GSE1: variants seen among roughly 807,000 people sequenced by gnomAD.
The protein encoded by GSE1 is Gse1 coiled-coil protein, also known as genetic suppressor element 1.
Under a neutral mutation model 112.6 loss-of-function variants are expected in GSE1, and 32 were observed. The observed-to-expected ratio is 0.28, with a 90% CI of 0.21 to 0.38. GSE1 has a LOEUF of 0.38. Ranked by LOEUF, GSE1 falls within the 10% of genes least tolerant of loss-of-function variation. GSE1 has a pLI of 1.00. For missense variants in GSE1, 2,348 were observed against 1,699.2 expected (o/e 1.38, Z -6.71); for synonymous variants, 1,115 against 735.6 (o/e 1.52, Z -8.35).
chr16:85,508,267 C>A (rs1243669239), intron 2 of GSE1, among the ~76,000 whole-genome samples: 3 of 152,228 alleles, frequency 2.0e-5, no homozygotes, highest in Non-Finnish European at 4.4e-5. Context: ...CTCCTGACCT[C>A]AGGTGATCCA....
intron 1 of GSE1, among the ~76,000 whole-genome samples, chr16:85,626,909 G>A (rs1036127166): frequency 4.6e-5 from 7 of 151,996 alleles, no homozygotes; most frequent in Admixed American, 3.3e-4. Flanking sequence ...CTGTTGGAGC[G>A]TTTGGACAGC....
At chr16:85,342,591 G>C (rs915270800) in intron 1 of GSE1, among the ~76,000 whole-genome samples, 7 of 152,184 alleles carry the variant, frequency 4.6e-5, no homozygotes, top group Non-Finnish European at 1.0e-4. Flanking sequence ...CCTCCTCAGA[G>C]CGCATGTGTT....
intron 1 of GSE1, among the ~76,000 whole-genome samples, chr16:85,181,127 G>C (rs559037232): frequency 2.0e-5 from 3 of 152,208 alleles, no homozygotes; most frequent in African/African-American, 7.2e-5. Flanking sequence ...CTGCCCACAG[G>C]GTCCGCTGGC....
chr16:85,556,762 C>G (rs1293034369), intron 1 of GSE1, among the ~76,000 whole-genome samples: 10 of 143,168 alleles, frequency 7.0e-5, no homozygotes, highest in African/African-American at 2.3e-4. Context: ...CCCCCCCCCC[C>G]CAGTCCTGGG....
At chr16:85,415,309 C>G (rs1380195025) in intron 2 of GSE1, among the ~76,000 whole-genome samples, 2 of 152,202 alleles carry the variant, frequency 1.3e-5, no homozygotes, top group Non-Finnish European at 2.9e-5. Flanking sequence ...GGAGTGTGTC[C>G]TCTTCATGTC....
At chr16:85,195,284 A>G (rs917774344) in intron 1 of GSE1, among the ~76,000 whole-genome samples, 3 of 152,222 alleles carry the variant, frequency 2.0e-5, no homozygotes, top group Non-Finnish European at 4.4e-5. Flanking sequence ...GTAACAAAAC[A>G]TCTTACAAGA....
chr16:85,533,681 T>A (rs1320474913), intron 2 of GSE1, among the ~76,000 whole-genome samples: 2 of 151,672 alleles, frequency 1.3e-5, no homozygotes, highest in Non-Finnish European at 2.9e-5. Flanking sequence ...CTGGGCAACA[T>A]AGAGGGACCC....
intron 2 of GSE1, among the ~76,000 whole-genome samples, chr16:85,475,034 C>A (rs2050409531): frequency 6.6e-6 from 1 of 152,156 alleles, no homozygotes; most frequent in Admixed American, 6.5e-5. Context: ...GTCCTCTGTG[C>A]TACCACTAAT....
At chr16:85,202,018 TGAAAAG>T in intron 1 of GSE1, among the ~76,000 whole-genome samples, 1 of 152,180 alleles carries the variant, frequency 6.6e-6, no homozygotes, top group Non-Finnish European at 1.5e-5. Flanking sequence ...AGTGAGTTGA[TGAAAAG>T]GAAAACTTGA....
chr16:85,573,341 C>A (rs1432310474), intron 1 of GSE1, among the ~76,000 whole-genome samples: 1 of 152,188 alleles, frequency 6.6e-6, no homozygotes, highest in African/African-American at 2.4e-5. Flanking sequence ...CCTGGATAGA[C>A]CACGTTCTGT....
chr16:85,332,312 C>T (rs1019736090), intron 1 of GSE1, among the ~76,000 whole-genome samples: 5 of 152,212 alleles, frequency 3.3e-5, no homozygotes, highest in South Asian at 2.1e-4. Context: ...CCAGATGGGT[C>T]GAATTCCTCC....
intron 2 of GSE1, among the ~76,000 whole-genome samples, chr16:85,385,985 C>G (rs1168242938): frequency 6.6e-6 from 1 of 152,226 alleles, no homozygotes; most frequent in Non-Finnish European, 1.5e-5. Context: ...AGCGAACCCC[C>G]ATTCCCCGAG....
chr16:85,215,657 C>T (rs1436821972), intron 1 of GSE1, among the ~76,000 whole-genome samples: 2 of 152,340 alleles, frequency 1.3e-5, no homozygotes, highest in East Asian at 1.9e-4. Flanking sequence ...TGTTTGTTCA[C>T]TCAGCAAACA....
intron 1 of GSE1, among the ~76,000 whole-genome samples, chr16:85,306,717 T>C (rs1252254528): frequency 6.6e-6 from 1 of 152,114 alleles, no homozygotes; most frequent in Non-Finnish European, 1.5e-5. Flanking sequence ...CCTGGCTGTT[T>C]CTAGCAATTT....
chr16:85,650,649 C>T (rs901076430), intron 3 of GSE1, among the ~76,000 whole-genome samples: 25 of 152,318 alleles, frequency 1.6e-4, no homozygotes, highest in African/African-American at 3.6e-4. Context: ...TGTACCACCG[C>T]GGCGCTTAAT....
At chr16:85,507,778 C>T (rs8053670) in intron 2 of GSE1, among the ~76,000 whole-genome samples, 33,192 of 152,096 alleles carry the variant, frequency 0.22, 3,859 homozygotes, top group Middle Eastern at 0.31. Flanking sequence ...TTCTGAGGCC[C>T]GGGGGCTGGG....
intron 2 of GSE1, among the ~76,000 whole-genome samples, chr16:85,538,294 C>T (rs905642400): frequency 1.3e-5 from 2 of 152,246 alleles, no homozygotes; most frequent in East Asian, 1.9e-4. Flanking sequence ...AAAGGCAAAT[C>T]GCTTTCAGTG....
At chr16:85,588,968 CACTA>C (rs2046839303) in intron 1 of GSE1, among the ~76,000 whole-genome samples, 1 of 152,190 alleles carries the variant, frequency 6.6e-6, no homozygotes. Flanking sequence ...CACACGTTCA[CACTA>C]ACACATGTTC....
At chr16:85,334,614 G>C (rs1420691441) in intron 1 of GSE1, among the ~76,000 whole-genome samples, 1 of 152,204 alleles carries the variant, frequency 6.6e-6, no homozygotes, top group Non-Finnish European at 1.5e-5. Context: ...GGCGTGGGGT[G>C]GGCCACTTGT....
Sources: gnomAD v4.1 joint callset for allele counts (sites outside exome capture counted in the v4.1 genomes callset) on GRCh38, gnomAD v4.1.1 for gene constraint, MANE v1.5 for transcripts, NCBI Gene and HGNC (gene_info 2026-07-23, HGNC 2026-07-21) for gene names.